The following KANK2 variants were observed in gnomAD, a reference collection of about 807,000 sequenced individuals.
The protein encoded by KANK2 is KN motif and ankyrin repeat domains 2.
In KANK2, 41 loss-of-function variants were observed where a neutral mutation model predicts 74.6. The observed-to-expected ratio is 0.55, with a 90% CI of 0.43 to 0.71. KANK2 has a LOEUF of 0.71. KANK2 is among the 30% of genes least tolerant of loss of function. KANK2 has a pLI of 0.00. For missense variants in KANK2, 1,148 were observed against 1,196.4 expected, an observed-to-expected ratio of 0.96 and a Z score of 0.60; for synonymous variants, 537 against 519.0, an observed-to-expected ratio of 1.03 and a Z score of -0.47.
intron 9 of KANK2, among the ~76,000 whole-genome samples, chr19:11,173,888 A>G (rs2078251182): frequency 6.6e-6 from 1 of 152,146 alleles, no homozygotes; most frequent in African/African-American, 2.4e-5. Context: ...CGTCTCCTCT[A>G]TCAGACTGGG....
At chr19:11,189,102 C>CT (rs914892477) in intron 4 of KANK2, among the ~76,000 whole-genome samples, 1 of 130,792 alleles carries the variant, frequency 7.6e-6, no homozygotes, top group Non-Finnish European at 1.6e-5. Flanking sequence ...ATTCTCTCCC[C>CT]CCCCACCCCC....
intron 10 of KANK2, among the ~76,000 whole-genome samples, chr19:11,172,706 C>G (rs931700249): frequency 1.6e-4 from 24 of 152,134 alleles, no homozygotes; most frequent in Admixed American, 1.6e-3. Context: ...CCTGCTTGTT[C>G]GCCATTTCAG....
At chr19:11,187,181 C>T (rs966590553) in intron 4 of KANK2, among the ~76,000 whole-genome samples, 2 of 151,882 alleles carry the variant, frequency 1.3e-5, no homozygotes, top group African/African-American at 4.8e-5. Context: ...TGCTTGAACC[C>T]GGGAGGCAGA....
intron 10 of KANK2, among the ~76,000 whole-genome samples, chr19:11,171,346 C>T (rs554079106): frequency 4.7e-4 from 71 of 152,112 alleles, no homozygotes; most frequent in African/African-American, 1.5e-3. Context: ...ACTTGGTGGC[C>T]TGAGGTTGGA....
intron 4 of KANK2, among the ~76,000 whole-genome samples, chr19:11,182,111 T>C (rs1033523636): frequency 2.6e-5 from 4 of 151,924 alleles, no homozygotes; most frequent in African/African-American, 9.7e-5. Flanking sequence ...AGATGGGGTT[T>C]TGCCATGTTG....
intron 4 of KANK2, among the ~76,000 whole-genome samples, chr19:11,180,836 A>G (rs2078492570): frequency 6.6e-6 from 1 of 152,102 alleles, no homozygotes; most frequent in Admixed American, 6.6e-5. Context: ...TTGTAATCCC[A>G]GCACCTTGGG....
intron 4 of KANK2, among the ~76,000 whole-genome samples, chr19:11,190,975 C>T (rs2147597915): frequency 6.6e-6 from 1 of 151,096 alleles, no homozygotes; most frequent in East Asian, 1.9e-4. Context: ...AAGTGATCTG[C>T]CTGCCTCTGC....
chr19:11,186,030 CA>C (rs199874362), intron 4 of KANK2, among the ~76,000 whole-genome samples: 1 of 151,728 alleles, frequency 6.6e-6, no homozygotes, highest in African/African-American at 2.4e-5. Context: ...GACCCTGTCT[CA>C]AAAAACAAAC....
At chr19:11,181,298 G>A (rs1431977811) in intron 4 of KANK2, among the ~76,000 whole-genome samples, 1 of 151,214 alleles carries the variant, frequency 6.6e-6, no homozygotes, top group African/African-American at 2.4e-5. Context: ...CCAGGCTGGA[G>A]GGCAGTGGCG....
intron 5 of KANK2, 50 bp downstream of exon 5, chr19:11,178,503 C>G: frequency 6.2e-7 from 1 of 1,601,898 alleles, no homozygotes; most frequent in Non-Finnish European, 8.5e-7. Flanking sequence ...AGACTCCGAA[C>G]TGGCGCCATC....
chr19:11,179,161 GAA>G (rs1555817620), intron 4 of KANK2, among the ~76,000 whole-genome samples: 1 of 151,068 alleles, frequency 6.6e-6, no homozygotes, highest in Non-Finnish European at 1.5e-5. Context: ...ACTAAAAATA[GAA>G]AAATTAGCCG....
chr19:11,193,743 C>T lies in KANK2; in HGVS notation c.337G>A (p.Ala113Thr), dbSNP rs1277002241. The change falls in exon 4 of 13, where the codon GCT becomes ACT. Residue 113 changes from alanine to threonine, a missense_variant. By Grantham distance (58) the Ala-to-Thr change is moderately conservative. Transcript: ENST00000586659. The surrounding 1 kb of genome is among the most constrained non-coding windows in gnomAD (Gnocchi z 9.6). ...CGRGFYPQYG[A>T]LETRGGFNPR... ...TTGAAGCCACCGCGGGTCTCCAGAG[C>T]ACCATACTGAGGGTAGAAGCCACGG... The T allele has an allele frequency of 1.2e-6, 2 of 1,612,546 alleles. No individual in the cohort carries two copies. Among genetic ancestry groups the T allele is most frequent in the Non-Finnish European group, 1.7e-6 (2 of 1,179,708 alleles).
In KANK2 at chr19:11,170,332, A is replaced by G. The variant is rs1568641554; in HGVS notation, c.2212-84T>C. 9.3e-7 allele frequency: 1 copy of G among 1,071,644 alleles called. No homozygotes were observed. Among genetic ancestry groups the G allele is most frequent in the East Asian group, 2.4e-5 (1 of 40,962 alleles). The allele number at this position is 1,071,644 out of a possible 1,614,324, so 66.4% of individuals were successfully genotyped here. On this transcript the variant is annotated intron_variant, in intron 10 of 12. Coordinates refer to ENST00000586659, the MANE Select transcript of KANK2 (RefSeq NM_001136191.3). This position sits in a 1 kb window ranked among gnomAD's most constrained non-coding sequence, Gnocchi z 5.2. ...TGGTCTAGAACCTGCTGTAGCTCCC[A>G]CATACTCTGATGGTGAAATGTACCC...
chr19:11,173,200 T>C, intron 9 of KANK2, 77 bp from the exon 10 acceptor site: 1 of 1,487,060 alleles, frequency 6.7e-7, no homozygotes, highest in Non-Finnish European at 9.2e-7. Flanking sequence ...ATACCACGTC[T>C]CGTCCATCAG....
chr19:11,168,755 C>T (rs116377140), intron 12 of KANK2, among the ~76,000 whole-genome samples: 1 of 152,054 alleles, frequency 6.6e-6, no homozygotes, highest in African/African-American at 2.4e-5. Flanking sequence ...CCAGACAGAC[C>T]CAGGCGTGAA....
chr19:11,188,003 G>A (rs184116577), intron 4 of KANK2, among the ~76,000 whole-genome samples: 1 of 152,254 alleles, frequency 6.6e-6, no homozygotes, highest in Non-Finnish European at 1.5e-5. Context: ...CTGAGGCAGA[G>A]TTGAATCAAT....
Position 11,193,972 on chromosome 19 carries a change from G to A in KANK2, c.108C>T (p.Thr36=), listed in dbSNP as rs755784427. 1 of 1,614,030 alleles carries A rather than the reference G, an allele frequency of 6.2e-7. No homozygotes were observed. Residue 36 remains threonine (T), a synonymous_variant, in exon 4 of 13, where the codon ACC becomes ACT. Coordinates refer to ENST00000586659, the MANE Select transcript of KANK2 (RefSeq NM_001136191.3). The surrounding 1 kb of genome is among the most constrained non-coding windows in gnomAD (Gnocchi z 9.6). ...CCAGGTCCAGGCGGTAGCCATAGGG[G>A]GTCTCCACGGAGTAGGGTGGATCGG... ...KDPDPPYSVE[T]PYGYRLDLDF...
chr19:11,174,746 C>T, intron 8 of KANK2, 54 bp from the exon 9 acceptor site: 1 of 1,406,842 alleles, frequency 7.1e-7, no homozygotes, highest in Non-Finnish European at 9.8e-7. Flanking sequence ...CCCACTGGGA[C>T]ACCCCCCACC....
chr19:11,185,794 G>A lies in KANK2; in HGVS notation c.1249+7037C>T, dbSNP rs188494623. ...TCCGAGGCTCGCATTTATAATCCCAGGGCTTTGGGAGGCTGAGGTGGATCA... is the reference window on the plus strand; with the variant it reads ...TCCGAGGCTCGCATTTATAATCCCAAGGCTTTGGGAGGCTGAGGTGGATCA... On this transcript the variant is annotated intron_variant, in intron 4 of 12. Transcript: ENST00000586659. Among the ~76,000 whole-genome samples, 300 of 133,058 alleles carry A rather than the reference G, an allele frequency of 2.3e-3. 21 individuals are homozygous for A. The highest frequency in any genetic ancestry group is 4.0e-3 in the Non-Finnish European group (235 of 58,520). The allele number at this position is 133,058 out of a possible 152,430, so 87.3% of individuals were successfully genotyped here. A position where few individuals can be genotyped will look rare whatever the true frequency, so the allele number is the denominator to read the frequency against.
Sources: gnomAD v4.1 joint callset for allele counts (sites outside exome capture counted in the v4.1 genomes callset) on GRCh38, gnomAD v4.1.1 for gene constraint, Gnocchi (gnomAD v3.1) non-coding constraint, MANE v1.5 for transcripts, NCBI Gene and HGNC (gene_info 2026-07-23, HGNC 2026-07-21) for gene names.